The following TENM3 variants were observed in gnomAD, a reference collection of about 807,000 sequenced individuals.
TENM3 encodes the protein teneurin-3.
In TENM3, 63 loss-of-function variants were observed where a neutral mutation model predicts 255.1. The ratio of observed to expected loss-of-function variants is 0.25; its 90% confidence interval spans 0.20 to 0.30. The LOEUF (loss-of-function observed/expected upper bound fraction) is 0.30. TENM3 is among the 10% of genes least tolerant of loss of function. The probability of loss-of-function intolerance (pLI) is 1.00; values close to 1 mark genes in which losing one functional copy is unlikely to be tolerated. For synonymous variants in TENM3, 1,306 were observed against 1,322.3 expected (o/e 0.99, Z 0.27); for missense variants, 2,929 against 3,461.1 (o/e 0.85, Z 3.86).
the TENM3 span, among the ~76,000 whole-genome samples, chr4:181,618,073 C>G: frequency 1.4e-4 from 22 of 152,130 alleles, no homozygotes; most frequent in Non-Finnish European, 3.2e-4. Context: ...AAATTAAGAG[C>G]AACAATATAA....
the TENM3 span, among the ~76,000 whole-genome samples, chr4:181,695,998 A>G: frequency 6.6e-6 from 1 of 152,048 alleles, no homozygotes; most frequent in Admixed American, 6.5e-5. Flanking sequence ...CATTTTGGAA[A>G]TGTCATTTAG....
At chr4:181,930,627 A>G in the TENM3 span, among the ~76,000 whole-genome samples, 1 of 152,186 alleles carries the variant, frequency 6.6e-6, no homozygotes, top group Non-Finnish European at 1.5e-5. Flanking sequence ...AAATTGTTCC[A>G]AACAACAGAA....
intron 3 of TENM3, among the ~76,000 whole-genome samples, chr4:182,461,175 A>G (rs1321891849): frequency 1.3e-5 from 2 of 152,194 alleles, no homozygotes; most frequent in Non-Finnish European, 2.9e-5. Context: ...TTTTCTCTTT[A>G]ATCCAAAAAA....
At chr4:182,225,967 C>A (rs1756128420) in intron 1 of TENM3, among the ~76,000 whole-genome samples, 1 of 152,142 alleles carries the variant, frequency 6.6e-6, no homozygotes, top group Non-Finnish European at 1.5e-5. Flanking sequence ...GAAATATCAT[C>A]CAAGTAAGGA....
intron 3 of TENM3, 23 bp from the exon 4 acceptor site, chr4:182,600,901 T>C (rs994978415): frequency 4.3e-5 from 38 of 873,806 alleles, no homozygotes; most frequent in Non-Finnish European, 4.8e-5. Flanking sequence ...CTCTTTCTTT[T>C]TTTTTTTTTT....
the TENM3 span, among the ~76,000 whole-genome samples, chr4:182,080,245 C>T: frequency 3.9e-3 from 588 of 152,224 alleles, 3 homozygotes; most frequent in African/African-American, 0.013. Flanking sequence ...GGACTTGGAG[C>T]TGTAAAATAT....
chr4:182,176,682 T>C (rs546492761), intron 1 of TENM3, among the ~76,000 whole-genome samples: 35 of 152,192 alleles, frequency 2.3e-4, no homozygotes, highest in African/African-American at 7.9e-4. Flanking sequence ...TTTTTTGTTT[T>C]TTTGAGACGG....
At chr4:182,742,396 A>G (rs1761674527) in intron 18 of TENM3, among the ~76,000 whole-genome samples, 1 of 152,232 alleles carries the variant, frequency 6.6e-6, no homozygotes. Context: ...TTGGCCTTCT[A>G]CAACAGTTTT....
chr4:181,858,986 G>T, the TENM3 span, among the ~76,000 whole-genome samples: 2 of 152,114 alleles, frequency 1.3e-5, no homozygotes, highest in Non-Finnish European at 1.5e-5. Flanking sequence ...CAGACAGGCA[G>T]GAGAGGAGGC....
intron 3 of TENM3, among the ~76,000 whole-genome samples, chr4:182,400,944 TG>T (rs1769179947): frequency 6.6e-6 from 1 of 152,224 alleles, no homozygotes; most frequent in African/African-American, 2.4e-5. Flanking sequence ...CTTCAAGATT[TG>T]ACTTTTGATA....
the TENM3 span, among the ~76,000 whole-genome samples, chr4:181,753,821 C>A: frequency 6.6e-6 from 1 of 152,132 alleles, no homozygotes; most frequent in Non-Finnish European, 1.5e-5. Context: ...ACTTAGAGAT[C>A]TCCTTGCATG....
rs566309454 is a variant in TENM3 at position 182,696,243 on chromosome 4, A to T, written c.2221+7892A>T. Among the ~76,000 whole-genome samples the T allele has an allele frequency of 1.2e-4, 19 of 152,366 alleles. No individual in the cohort carries two copies. In the South Asian group the frequency reaches 3.7e-3, roughly 30 times the overall value. On this transcript the variant is annotated intron_variant, in intron 12 of 27. Transcript: ENST00000511685. ...AATAACAAATTTTGAAGGCAAATGA[A>T]CTACTGTTGATAGTTTTATCAATAA...
the TENM3 span, among the ~76,000 whole-genome samples, chr4:182,036,515 C>G: frequency 6.6e-6 from 1 of 152,290 alleles, no homozygotes; most frequent in South Asian, 2.1e-4. Flanking sequence ...TGTCTCACTA[C>G]ATGAGGGCAA....
intron 2 of TENM3, among the ~76,000 whole-genome samples, chr4:182,332,180 A>C (rs1763801023): frequency 6.6e-6 from 1 of 152,138 alleles, no homozygotes; most frequent in Non-Finnish European, 1.5e-5. Context: ...ATAAATAACA[A>C]AAAGATAATT....
At chr4:182,324,880 T>TG in intron 2 of TENM3, among the ~76,000 whole-genome samples, 1 of 152,228 alleles carries the variant, frequency 6.6e-6, no homozygotes, top group Admixed American at 6.5e-5. Context: ...GTCTATCTGT[T>TG]GAACATTTTT....
chr4:181,754,669 G>A, the TENM3 span, among the ~76,000 whole-genome samples: 3 of 152,084 alleles, frequency 2.0e-5, no homozygotes, highest in Admixed American at 6.6e-5. Flanking sequence ...TGATTGGGAG[G>A]TGATTATAGA....
At chr4:182,482,496 G>A (rs1734295917) in intron 3 of TENM3, among the ~76,000 whole-genome samples, 1 of 152,100 alleles carries the variant, frequency 6.6e-6, no homozygotes, top group Non-Finnish European at 1.5e-5. Context: ...TATTATTGTG[G>A]AATATATCAA....
chr4:182,651,934 T>G (rs996077997), intron 5 of TENM3, among the ~76,000 whole-genome samples: 1 of 152,180 alleles, frequency 6.6e-6, no homozygotes, highest in Non-Finnish European at 1.5e-5. Context: ...TAATTACATA[T>G]AGTAGTAGTA....
At chr4:182,768,173 T>G (rs1019984192) in intron 22 of TENM3, among the ~76,000 whole-genome samples, 11 of 152,174 alleles carry the variant, frequency 7.2e-5, no homozygotes, top group African/African-American at 2.7e-4. Flanking sequence ...GTGTATGCGC[T>G]TCTCTAAAGC....
Sources: gnomAD v4.1 joint callset for allele counts (sites outside exome capture counted in the v4.1 genomes callset) on GRCh38, gnomAD v4.1.1 for gene constraint, MANE v1.5 for transcripts, NCBI Gene and HGNC (gene_info 2026-07-23, HGNC 2026-07-21) for gene names.